NALF1: variants seen among roughly 807,000 people sequenced by gnomAD.
The protein encoded by NALF1 is NALCN channel auxiliary factor 1.
Under a neutral mutation model 48.4 loss-of-function variants are expected in NALF1, and 3 were observed. The observed-to-expected ratio is 0.06, with a 90% CI of 0.03 to 0.16. The LOEUF (loss-of-function observed/expected upper bound fraction) is 0.16. NALF1 is among the 10% of genes least tolerant of loss of function. The pLI, the probability that NALF1 is intolerant of heterozygous loss-of-function variation, is 1.00. For synonymous variants in NALF1, 262 were observed against 245.7 expected (o/e 1.07, Z -0.62); for missense variants, 526 against 571.5 (o/e 0.92, Z 0.81).
chr13:107,642,062 T>C (rs947651208), intron 1 of NALF1, among the ~76,000 whole-genome samples: 1 of 152,158 alleles, frequency 6.6e-6, no homozygotes, highest in African/African-American at 2.4e-5. Context: ...CAGCATCAAC[T>C]GGCCTGGGAG....
intron 1 of NALF1, among the ~76,000 whole-genome samples, chr13:107,859,472 C>G (rs1379494203): frequency 2.0e-5 from 3 of 152,088 alleles, no homozygotes; most frequent in Non-Finnish European, 4.4e-5. Context: ...ATTTTAACAC[C>G]TTAAAAGCCC....
At chr13:107,671,058 T>C (rs1043977760) in intron 1 of NALF1, among the ~76,000 whole-genome samples, 3 of 152,274 alleles carry the variant, frequency 2.0e-5, no homozygotes, top group Admixed American at 1.3e-4. Flanking sequence ...ATCGAAAATG[T>C]TGTATGTTCA....
At chr13:107,216,136 A>G (rs1852014635) in intron 1 of NALF1, among the ~76,000 whole-genome samples, 1 of 152,216 alleles carries the variant, frequency 6.6e-6, no homozygotes, top group Admixed American at 6.5e-5. Flanking sequence ...ACATTTTATT[A>G]GATCCATTTC....
At chr13:107,203,346 T>C (rs1438480094) in intron 2 of NALF1, among the ~76,000 whole-genome samples, 2 of 152,200 alleles carry the variant, frequency 1.3e-5, no homozygotes, top group African/African-American at 2.4e-5. Context: ...TATCGCCTCC[T>C]GGCTGTAGAG....
At chr13:107,594,043 C>T (rs192434964) in intron 1 of NALF1, among the ~76,000 whole-genome samples, 58 of 152,070 alleles carry the variant, frequency 3.8e-4, no homozygotes, top group Admixed American at 3.7e-3. Flanking sequence ...ATTATGTCAA[C>T]CTTCTAGATA....
intron 2 of NALF1, among the ~76,000 whole-genome samples, chr13:107,199,799 C>T (rs550771474): frequency 6.6e-6 from 1 of 152,238 alleles, no homozygotes; most frequent in South Asian, 2.1e-4. Context: ...TTTCTGACTC[C>T]CAATGGAGGA....
chr13:107,362,100 C>T lies in NALF1; in HGVS notation c.916-151345G>A, dbSNP rs926277455. 1.3e-5 allele frequency among the ~76,000 whole-genome samples: 2 copies of T among 152,118 alleles called. No homozygotes were observed. Among genetic ancestry groups the T allele is most frequent in the Non-Finnish European group, 2.9e-5 (2 of 68,016 alleles). On this transcript the variant is annotated intron_variant, in intron 1 of 2. Coordinates refer to ENST00000375915, the MANE Select transcript of NALF1 (RefSeq NM_001080396.3). This position sits in a 1 kb window ranked among gnomAD's most constrained non-coding sequence, Gnocchi z 4.6. ...CATAGGTAGAGATGGGGGAATTCAA[C>T]TCTTATTTTCTTAAGCTACTGAAAT...
intron 1 of NALF1, among the ~76,000 whole-genome samples, chr13:107,218,405 T>C (rs953225290): frequency 6.6e-6 from 1 of 152,328 alleles, no homozygotes; most frequent in East Asian, 1.9e-4. Context: ...GTCAGTGGAA[T>C]GCCCACTGGA....
chr13:107,328,578 CCT>C (rs1402147808), intron 1 of NALF1, among the ~76,000 whole-genome samples: 1 of 152,086 alleles, frequency 6.6e-6, no homozygotes. Flanking sequence ...TCTCTGCTCT[CCT>C]CTCTCTCTTC....
chr13:107,265,713 T>G lies in NALF1; in HGVS notation c.916-54958A>C, dbSNP rs530863053. Among the ~76,000 whole-genome samples, 52 of 152,262 alleles carry G rather than the reference T, an allele frequency of 3.4e-4. 1 individual carries two copies. In the South Asian group the frequency reaches 0.011, roughly 32 times the overall value. Reference sequence around the variant, plus strand: ...GAGCCACCATGCCTGGCCTACTTTTTTTTTTGTTTTTTAATGGAAACATAT... The same window carrying G: ...GAGCCACCATGCCTGGCCTACTTTTGTTTTTGTTTTTTAATGGAAACATAT... On this transcript the variant is annotated intron_variant, in intron 1 of 2. Transcript: ENST00000375915.
In NALF1 at chr13:107,316,347, G is replaced by A. The variant is rs184253000; in HGVS notation, c.916-105592C>T. Among the ~76,000 whole-genome samples the A allele has an allele frequency of 5.7e-3, 731 of 129,228 alleles. 5 individuals are homozygous for A. Among genetic ancestry groups the A allele is most frequent in the Middle Eastern group, 0.013 (3 of 236 alleles). 84.8% of individuals were successfully genotyped at this position (129,228 alleles called of 152,430 possible). A position where few individuals can be genotyped will look rare whatever the true frequency, so the allele number is the denominator to read the frequency against. ...AGTCTTCGCTATTGTGAATAGTGCC[G>A]CAATAAACATAAGTGTGCATGTGTC... On this transcript the variant is annotated intron_variant, in intron 1 of 2. Transcript: ENST00000375915.
intron 2 of NALF1, among the ~76,000 whole-genome samples, chr13:107,205,507 C>A (rs1316290040): frequency 1.3e-5 from 2 of 152,080 alleles, no homozygotes; most frequent in East Asian, 3.9e-4. Context: ...CAGGGGGCGC[C>A]CATCTCCCAT....
intron 1 of NALF1, among the ~76,000 whole-genome samples, chr13:107,802,210 C>T (rs115393145): frequency 0.017 from 2,555 of 152,212 alleles, 82 homozygotes; most frequent in African/African-American, 0.058. Context: ...TTGTAAGACT[C>T]TCCCTATATT....
In NALF1 at chr13:107,771,248, T is replaced by TTGTG. The variant is rs147526327; in HGVS notation, c.915+94430_915+94433dup. Among the ~76,000 whole-genome samples, 4 of 150,928 alleles carry TTGTG rather than the reference T, an allele frequency of 2.7e-5. No homozygotes were observed. The East Asian group carries it at 7.8e-4, about 29-fold the overall frequency. ...TGGTTTGAGATGTTATTTTAACATGTTGTGTGTGTGTGTGTCAGTATATGA... is the reference window on the plus strand; with the variant it reads ...TGGTTTGAGATGTTATTTTAACATGTTGTGTGTGTGTGTGTGTGTCAGTATATGA... On this transcript the variant is annotated intron_variant, in intron 1 of 2. Coordinates refer to ENST00000375915, the MANE Select transcript of NALF1 (RefSeq NM_001080396.3).
chr13:107,201,170 TC>T (rs1879509011), intron 2 of NALF1, among the ~76,000 whole-genome samples: 1 of 62,166 alleles, frequency 1.6e-5, no homozygotes, highest in Non-Finnish European at 2.4e-5. Context: ...CTATCTATCA[TC>T]TATCTATCTA....
chr13:107,308,325 C>T (rs1262223724), intron 1 of NALF1, among the ~76,000 whole-genome samples: 1 of 151,380 alleles, frequency 6.6e-6, no homozygotes, highest in Admixed American at 6.6e-5. Flanking sequence ...CCTCAGCCTC[C>T]TGAGTAGCTG....
intron 1 of NALF1, among the ~76,000 whole-genome samples, chr13:107,820,975 T>G (rs16971221): frequency 0.13 from 19,566 of 152,162 alleles, 1,330 homozygotes; most frequent in Middle Eastern, 0.17. Flanking sequence ...GCATACTCCC[T>G]CCCTTAGAAT....
chr13:107,584,782 A>G (rs533376962), intron 1 of NALF1, among the ~76,000 whole-genome samples: 43 of 152,270 alleles, frequency 2.8e-4, no homozygotes, highest in Admixed American at 2.7e-3. Context: ...CTCCACGTGA[A>G]GCCCACAGGC....
At chr13:107,614,356 G>T (rs1444688965) in intron 1 of NALF1, among the ~76,000 whole-genome samples, 1 of 152,196 alleles carries the variant, frequency 6.6e-6, no homozygotes, top group Non-Finnish European at 1.5e-5. Context: ...GGTGTTGTCT[G>T]CATCTGTCTC....
Sources: allele counts gnomAD v4.1 joint callset (sites outside exome capture counted in the v4.1 genomes callset), GRCh38; gene constraint gnomAD v4.1.1; non-coding constraint Gnocchi (gnomAD v3.1); transcripts MANE v1.5; gene names NCBI Gene and HGNC (gene_info 2026-07-23, HGNC 2026-07-21).